Variants in NAA50 observed in about 807,000 individuals in gnomAD.
NAA50 encodes the protein N-alpha-acetyltransferase 50.
In NAA50, 7 loss-of-function variants were observed where a neutral mutation model predicts 20.7. That is an observed-to-expected ratio of 0.34 (90% CI 0.19 to 0.63). The LOEUF is 0.63. Among genes scored for constraint, NAA50 ranks in the 30% least tolerant of loss-of-function variants. NAA50 has a pLI of 0.75. For synonymous variants in NAA50, 54 were observed against 70.6 expected (o/e 0.77, Z 1.18); for missense variants, 111 against 199.1 (o/e 0.56, Z 2.66).
At chr3:113,726,540 T>C (rs545592796) in intron 1 of NAA50, among the ~76,000 whole-genome samples, 20 of 151,926 alleles carry the variant, frequency 1.3e-4, no homozygotes, top group Non-Finnish European at 2.1e-4. Flanking sequence ...GGTCAAGAGT[T>C]TGAGACCAGC....
At chr3:113,738,927 C>A (rs1266288353) in intron 1 of NAA50, among the ~76,000 whole-genome samples, 1 of 152,090 alleles carries the variant, frequency 6.6e-6, no homozygotes, top group Non-Finnish European at 1.5e-5. Flanking sequence ...TAATGTCTCA[C>A]CCCTACTCTC....
At position 113,717,608 on chromosome 3, in the gene NAA50, T is replaced by C. The variant is rs532646465; in HGVS notation, c.*4152A>G. The stretch of plus-strand genomic sequence containing the variant: ...TTCAGGACACTGCCATAGAAAATAT[T>C]TACTCCCTGAAAAACTTCTATAGGC... On this transcript the variant is annotated 3_prime_UTR_variant, in exon 5 of 5. Coordinates refer to ENST00000240922, the MANE Select transcript of NAA50 (RefSeq NM_025146.4). 2 of 152,138 alleles carry C rather than the reference T, an allele frequency of 1.3e-5. No individual in the cohort carries two copies. Among genetic ancestry groups the C allele is most frequent in the Admixed American group, 6.5e-5 (1 of 15,274 alleles). 9.4% of individuals were successfully genotyped at this position (152,138 alleles called of 1,614,324 possible).
At chr3:113,736,729 T>A (rs1708347975) in intron 1 of NAA50, among the ~76,000 whole-genome samples, 2 of 152,220 alleles carry the variant, frequency 1.3e-5, no homozygotes, top group Non-Finnish European at 2.9e-5. Context: ...TTTCACTATA[T>A]TGCCCAGGGG....
intron 1 of NAA50, among the ~76,000 whole-genome samples, chr3:113,737,586 TAA>T (rs1708360654): frequency 6.6e-6 from 1 of 152,238 alleles, no homozygotes; most frequent in Non-Finnish European, 1.5e-5. Flanking sequence ...TATAAAACTA[TAA>T]GACTTAGGGC....
intron 1 of NAA50, among the ~76,000 whole-genome samples, chr3:113,738,986 T>A (rs1708378805): frequency 6.6e-6 from 1 of 152,106 alleles, no homozygotes; most frequent in Non-Finnish European, 1.5e-5. Flanking sequence ...GCAATCATCA[T>A]CCCAATTAAT....
chr3:113,744,846 G>A (rs74699100), intron 1 of NAA50, among the ~76,000 whole-genome samples: 13,868 of 152,212 alleles, frequency 0.091, 976 homozygotes, highest in East Asian at 0.29. Flanking sequence ...ATACACAGAG[G>A]TAATATTTAG....
At chr3:113,729,361 C>A (rs1708241455) in intron 1 of NAA50, among the ~76,000 whole-genome samples, 1 of 152,132 alleles carries the variant, frequency 6.6e-6, no homozygotes, top group Non-Finnish European at 1.5e-5. Context: ...AGTGTTTCTT[C>A]CTTTCTGCTG....
intron 1 of NAA50, chr3:113,741,153 T>A (rs532729207): frequency 5.5e-6 from 3 of 542,686 alleles, no homozygotes; most frequent in Non-Finnish European, 1.1e-5. Flanking sequence ...CACACATAAT[T>A]TGGCTTCAAA....
Position 113,723,108 on chromosome 3 carries a change from CA to C in NAA50, c.266-137del, listed in dbSNP as rs1442956455. The C allele has an allele frequency of 1.5e-5, 18 of 1,232,858 alleles. No homozygotes were observed. The East Asian group carries it at 3.3e-4, about 22-fold the overall frequency. The allele number at this position is 1,232,858 out of a possible 1,614,324, so 76.4% of individuals were successfully genotyped here. ...GTATACACTAGATATCCTTATTTTC[CA>C]AAGTTGTGTTCTCTCTCTACAATAG... On this transcript the variant is annotated intron_variant, in intron 3 of 4. Coordinates refer to ENST00000240922, the MANE Select transcript of NAA50 (RefSeq NM_025146.4).
chr3:113,745,589 T>C (rs1163263277), intron 1 of NAA50, among the ~76,000 whole-genome samples: 1 of 152,188 alleles, frequency 6.6e-6, no homozygotes, highest in Non-Finnish European at 1.5e-5. Flanking sequence ...CACCTGGAGC[T>C]GCGGGCCGGC....
At chr3:113,745,067 T>C (rs564801102) in intron 1 of NAA50, among the ~76,000 whole-genome samples, 1 of 152,222 alleles carries the variant, frequency 6.6e-6, no homozygotes, top group Non-Finnish European at 1.5e-5. Context: ...CCAAAACGGC[T>C]TGAGACAATG....
rs115151781 is a variant in NAA50 at position 113,739,272 on chromosome 3, A to G, written c.8+6670T>C. Among the ~76,000 whole-genome samples, 1,334 of 152,290 alleles carry G rather than the reference A, an allele frequency of 8.8e-3. 16 individuals carry two copies. Among genetic ancestry groups the G allele is most frequent in the African/African-American group, 0.03 (1,265 of 41,550 alleles). On this transcript the variant is annotated intron_variant, in intron 1 of 4. Coordinates refer to ENST00000240922, the MANE Select transcript of NAA50 (RefSeq NM_025146.4). ...CATTCATGGCTGAAATGTCAGCCACAATATGTTTTCCTGAGGTTTTTCCAC... is the reference window on the plus strand; with the variant it reads ...CATTCATGGCTGAAATGTCAGCCACGATATGTTTTCCTGAGGTTTTTCCAC...
At chr3:113,726,699 G>A (rs377463523) in intron 1 of NAA50, among the ~76,000 whole-genome samples, 19 of 149,640 alleles carry the variant, frequency 1.3e-4, no homozygotes, top group East Asian at 2.0e-4. Context: ...AGCCAAGATC[G>A]CACCACTGTA....
intron 1 of NAA50, among the ~76,000 whole-genome samples, chr3:113,731,904 A>G (rs1427924825): frequency 6.6e-6 from 1 of 152,214 alleles, no homozygotes; most frequent in Non-Finnish European, 1.5e-5. Context: ...CATCTTGACT[A>G]TTATAATGCT....
intron 1 of NAA50, among the ~76,000 whole-genome samples, chr3:113,742,878 T>G (rs1215082801): frequency 6.6e-6 from 1 of 152,198 alleles, no homozygotes; most frequent in African/African-American, 2.4e-5. Context: ...TATTATACTT[T>G]CCATTACACT....
chr3:113,731,690 G>C (rs1708275766), intron 1 of NAA50, among the ~76,000 whole-genome samples: 1 of 152,072 alleles, frequency 6.6e-6, no homozygotes, highest in Non-Finnish European at 1.5e-5. Flanking sequence ...GCCTTTACTA[G>C]ACATTTAATA....
Position 113,745,977 on chromosome 3 carries a change from C to T in NAA50, c.-28G>A. 6.2e-7 allele frequency: 1 copy of T among 1,606,440 alleles called. No individual in the cohort carries two copies. The highest frequency in any genetic ancestry group is 8.5e-7 in the Non-Finnish European group (1 of 1,179,570). On this transcript the variant is annotated 5_prime_UTR_variant, in exon 1 of 5. Transcript: ENST00000240922. ...TCCCCGCCTGCTGAGGCCGTCGTTA[C>T]CACCGATATCAACGCCGTCGTAGTC...
rs1489986843 is a variant in NAA50, at chr3:113,719,228, T to C, written c.*2532A>G. ...TGCTTTAGATATTTCAGAACTTCAT[T>C]CCCCAAATGAAAGCTAATCTGGACA... is the stretch of plus-strand genomic sequence containing the variant. On this transcript the variant is annotated 3_prime_UTR_variant, in exon 5 of 5. Transcript: ENST00000240922. 2 of 152,602 alleles carry C rather than the reference T, an allele frequency of 1.3e-5. No individual in the cohort carries two copies. The highest frequency in any genetic ancestry group is 2.9e-5 in the Non-Finnish European group (2 of 68,008). 9.5% of individuals were successfully genotyped at this position (152,602 alleles called of 1,614,324 possible).
intron 2 of NAA50, 149 bp downstream of exon 2, chr3:113,723,810 G>C (rs1708165958): frequency 1.1e-6 from 1 of 931,574 alleles, no homozygotes. Context: ...ATTTCTCTGA[G>C]ATTTTTCTCA....
Sources: allele counts gnomAD v4.1 joint callset (sites outside exome capture counted in the v4.1 genomes callset), GRCh38; gene constraint gnomAD v4.1.1; transcripts MANE v1.5; gene names NCBI Gene and HGNC (gene_info 2026-07-23, HGNC 2026-07-21).